Variants in AMPH observed in about 807,000 individuals in gnomAD.
The protein encoded by AMPH is amphiphysin (Stiff-Mann syndrome with breast cancer 128kD autoantigen).
A neutral mutation model predicts 99.1 loss-of-function variants in AMPH; 49 were observed. The observed-to-expected ratio is 0.49, with a 90% CI of 0.39 to 0.63. The LOEUF (loss-of-function observed/expected upper bound fraction) is 0.63, where lower values mean the gene tolerates loss of function less well. Ranked by LOEUF, AMPH falls within the 20% of genes least tolerant of loss-of-function variation. The pLI is 0.00. For missense variants in AMPH, 759 were observed against 863.4 expected (o/e 0.88, Z 1.52); for synonymous variants, 314 against 317.3 (o/e 0.99, Z 0.11).
intron 20 of AMPH, 112 bp downstream of exon 20, chr7:38,389,692 A>G (rs796673569): frequency 8.3e-6 from 7 of 844,856 alleles, no homozygotes; most frequent in South Asian, 6.2e-5. Context: ...CCCTTTTCAG[A>G]TGGCTTGTAG....
At chr7:38,511,174 G>A (rs1789525565) in intron 2 of AMPH, among the ~76,000 whole-genome samples, 1 of 152,092 alleles carries the variant, frequency 6.6e-6, no homozygotes, top group Admixed American at 6.5e-5. Flanking sequence ...ATGCACTCAG[G>A]AAATGCTGGA....
chr7:38,409,004 G>A (rs1437193080), intron 17 of AMPH, among the ~76,000 whole-genome samples: 1 of 152,174 alleles, frequency 6.6e-6, no homozygotes, highest in Non-Finnish European at 1.5e-5. Context: ...CCCATGGCTG[G>A]AAGGACCATA....
chr7:38,406,109 C>T (rs7792585), intron 17 of AMPH, among the ~76,000 whole-genome samples: 2,399 of 152,094 alleles, frequency 0.016, 60 homozygotes, highest in African/African-American at 0.055. Flanking sequence ...ACAACTTGCT[C>T]CTGAATAACT....
Position 38,424,255 on chromosome 7 carries a change from C to T in AMPH, c.1216-1778G>A, listed in dbSNP as rs1785702088. ...TTCCAGTCAGCTTTTCAGCATCCCA[C>T]TTTTAAATATGAATATTCAGTCAAG... On this transcript the variant is annotated intron_variant, in intron 15 of 20. Coordinates refer to ENST00000356264, the MANE Select transcript of AMPH (RefSeq NM_001635.4). 3.3e-5 allele frequency among the ~76,000 whole-genome samples: 5 copies of T among 152,176 alleles called. No individual in the cohort carries two copies. The South Asian group carries it at 1.0e-3, about 32-fold the overall frequency.
chr7:38,474,175 G>A (rs1787998918), intron 7 of AMPH, among the ~76,000 whole-genome samples: 1 of 152,048 alleles, frequency 6.6e-6, no homozygotes, highest in African/African-American at 2.4e-5. Flanking sequence ...TTATTTTGAT[G>A]GCTCTTTGGT....
chr7:38,408,855 T>C (rs1167596456), intron 17 of AMPH, among the ~76,000 whole-genome samples: 1 of 152,174 alleles, frequency 6.6e-6, no homozygotes, highest in East Asian at 1.9e-4. Flanking sequence ...TTTTGTCCTG[T>C]GGATTTCATC....
chr7:38,422,030 G>C (rs565059588), intron 16 of AMPH, among the ~76,000 whole-genome samples: 1 of 152,332 alleles, frequency 6.6e-6, no homozygotes, highest in East Asian at 1.9e-4. Flanking sequence ...GGAGGGATGA[G>C]ATGATAAATG....
At chr7:38,522,933 C>G (rs1391441366) in intron 2 of AMPH, among the ~76,000 whole-genome samples, 1 of 151,726 alleles carries the variant, frequency 6.6e-6, no homozygotes, top group Non-Finnish European at 1.5e-5. Flanking sequence ...ATAGTGAAAC[C>G]CCCATCTTTA....
At chr7:38,573,409 C>T (rs1012563265) in intron 1 of AMPH, among the ~76,000 whole-genome samples, 4 of 152,208 alleles carry the variant, frequency 2.6e-5, no homozygotes, top group African/African-American at 4.8e-5. Context: ...CTATGAGTGG[C>T]ACACAAGCAT....
chr7:38,538,167 G>A (rs1790683820), intron 1 of AMPH, among the ~76,000 whole-genome samples: 1 of 152,164 alleles, frequency 6.6e-6, no homozygotes, highest in East Asian at 1.9e-4. Context: ...AATAGTTAGG[G>A]TCTCAGAGAA....
chr7:38,497,851 C>G (rs1183097194), intron 3 of AMPH, among the ~76,000 whole-genome samples: 2 of 152,156 alleles, frequency 1.3e-5, no homozygotes, highest in Non-Finnish European at 2.9e-5. Context: ...CAAGAATAGT[C>G]AACCCTACCC....
chr7:38,453,504 C>T (rs887360843), intron 11 of AMPH, among the ~76,000 whole-genome samples: 1 of 152,176 alleles, frequency 6.6e-6, no homozygotes, highest in Non-Finnish European at 1.5e-5. Flanking sequence ...CCAGCAAAAG[C>T]GAATGCTCTT....
chr7:38,590,700 G>A (rs748610960), intron 1 of AMPH, among the ~76,000 whole-genome samples: 32 of 152,038 alleles, frequency 2.1e-4, no homozygotes, highest in African/African-American at 7.5e-4. Flanking sequence ...TACAAGCTCC[G>A]TGTTTAAAGG....
At chr7:38,621,436 G>A (rs1288816585) in intron 1 of AMPH, among the ~76,000 whole-genome samples, 1 of 152,058 alleles carries the variant, frequency 6.6e-6, no homozygotes, top group East Asian at 1.9e-4. Context: ...TCAATAAATG[G>A]CTCTAAATAA....
At chr7:38,567,295 A>T (rs1478727672) in intron 1 of AMPH, among the ~76,000 whole-genome samples, 2 of 152,178 alleles carry the variant, frequency 1.3e-5, no homozygotes, top group Non-Finnish European at 2.9e-5. Context: ...AAGGACAGAA[A>T]ACCAAACACC....
chr7:38,429,034 T>C (rs1324625419), intron 14 of AMPH: 1 of 1,290,362 alleles, frequency 7.7e-7, no homozygotes, highest in Non-Finnish European at 1.0e-6. Context: ...AGTGTCTTGA[T>C]ATCAATAGCT....
intron 3 of AMPH, among the ~76,000 whole-genome samples, chr7:38,501,350 C>G (rs1789128782): frequency 6.6e-6 from 1 of 152,108 alleles, no homozygotes; most frequent in African/African-American, 2.4e-5. Flanking sequence ...GCCACCACAC[C>G]TGACTAATTT....
rs527449371 is a variant in AMPH, at chr7:38,444,457, G to A, written c.1018-8069C>T. Among the ~76,000 whole-genome samples, 8 of 152,202 alleles carry A rather than the reference G, an allele frequency of 5.3e-5. No individual in the cohort carries two copies. In the South Asian group the frequency reaches 6.2e-4, roughly 12 times the overall value. On this transcript the variant is annotated intron_variant, in intron 11 of 20. Transcript: ENST00000356264. ...AAGAGGAAAATTTGGATATGTAGAC[G>A]CAAGGAGAATGCCATGTGAAGACAC...
intron 1 of AMPH, among the ~76,000 whole-genome samples, chr7:38,629,475 A>C (rs1040409023): frequency 6.6e-6 from 1 of 152,172 alleles, no homozygotes; most frequent in African/African-American, 2.4e-5. Context: ...CATAAAGTAC[A>C]CTTGACCTTG....
Sources: gnomAD v4.1 joint callset for allele counts (sites outside exome capture counted in the v4.1 genomes callset) on GRCh38, gnomAD v4.1.1 for gene constraint, MANE v1.5 for transcripts, NCBI Gene and HGNC (gene_info 2026-07-23, HGNC 2026-07-21) for gene names.